The following CD36 variants were observed in gnomAD, a reference collection of about 807,000 sequenced individuals.
CD36 encodes platelet glycoprotein 4.
Under a neutral mutation model 55.2 loss-of-function variants are expected in CD36, and 119 were observed. The ratio of observed to expected loss-of-function variants is 2.15; its 90% CI spans 1.86 to 2.51. CD36 has a LOEUF of 2.51. CD36 is among the 30% of genes most tolerant of loss of function. The pLI, the probability that CD36 is intolerant of heterozygous loss-of-function variation, is 0.00. For synonymous variants in CD36, 186 were observed against 193.6 expected, an observed-to-expected ratio of 0.96 and a Z score of 0.33; for missense variants, 819 against 555.5, an observed-to-expected ratio of 1.47 and a Z score of -4.77.
chr7:80,658,858 C>T (rs1460474800), intron 4 of CD36, among the ~76,000 whole-genome samples: 1 of 152,096 alleles, frequency 6.6e-6, no homozygotes, highest in Non-Finnish European at 1.5e-5. Flanking sequence ...AAATAGTTCT[C>T]CTCTGGTAGT....
At position 80,663,047 on chromosome 7, in the gene CD36, A is replaced by T. The variant is rs534737948; in HGVS notation, c.487A>T (p.Asn163Tyr). 3.1e-6 allele frequency: 5 copies of T among 1,613,374 alleles called. No individual in the cohort carries two copies. The highest frequency in any genetic ancestry group is 4.2e-6 in the Non-Finnish European group (5 of 1,179,438). The change falls in exon 6 of 15, where the codon AAC becomes TAC. Residue 163 changes from asparagine to tyrosine, a missense_variant. Asn to Tyr is a moderately radical substitution (Grantham distance 143). Coordinates refer to ENST00000447544, the MANE Select transcript of CD36 (RefSeq NM_001001548.3). ...FVQMILNSLI[N>Y]KSKSSMFQVR... is the part of the protein sequence containing the mutation. ...TCAAATGATCCTCAATTCACTTATTAACAAGTCAAAATCTTCTATGTTCCA... is the reference window on the plus strand; with the variant it reads ...TCAAATGATCCTCAATTCACTTATTTACAAGTCAAAATCTTCTATGTTCCA...
intron 1 of CD36, among the ~76,000 whole-genome samples, chr7:80,628,382 T>C (rs1415572991): frequency 6.6e-6 from 1 of 152,060 alleles, no homozygotes; most frequent in Non-Finnish European, 1.5e-5. Context: ...TTTGGAATCC[T>C]TTCTATAAGT....
intron 12 of CD36, chr7:80,673,108 ATTCATAT>A (rs1797878991): frequency 1.9e-6 from 1 of 523,510 alleles, no homozygotes; most frequent in African/African-American, 2.0e-5. Context: ...AATTTTTGGA[ATTCATAT>A]TTCAGTTCCC....
Position 80,624,854 on chromosome 7 carries a change from T to A in CD36, c.-183-21234T>A, listed in dbSNP as rs1039729243. The A allele has an allele frequency of 2.0e-5, 3 of 152,238 alleles. No homozygotes were observed. The East Asian group carries it at 5.8e-4, about 29-fold the overall frequency. 9.4% of individuals were successfully genotyped at this position (152,238 alleles called of 1,614,324 possible). A position where few individuals can be genotyped will look rare whatever the true frequency, so the allele number is the denominator to read the frequency against. On this transcript the variant is annotated intron_variant, in intron 1 of 13. Transcript: ENST00000309881. ...AAAAATTTAGATTCTCTTATATTAATATTGTAAGACAGAGTGGTTGACTTC... is the reference window on the plus strand; with the variant it reads ...AAAAATTTAGATTCTCTTATATTAAAATTGTAAGACAGAGTGGTTGACTTC...
At chr7:80,667,237 G>A (rs189557598) in intron 8 of CD36, among the ~76,000 whole-genome samples, 4 of 152,080 alleles carry the variant, frequency 2.6e-5, no homozygotes, top group South Asian at 4.2e-4. Context: ...AGACCAGCCT[G>A]GGCAACATAG....
At chr7:80,604,585 TA>T (rs1311665582) in intron 1 of CD36, among the ~76,000 whole-genome samples, 129 of 151,550 alleles carry the variant, frequency 8.5e-4, no homozygotes, top group African/African-American at 3.0e-3. Context: ...ACACAAACAC[TA>T]TAGTACAAAG....
At chr7:80,612,544 G>A (rs1792930795) in intron 1 of CD36, among the ~76,000 whole-genome samples, 1 of 152,084 alleles carries the variant, frequency 6.6e-6, no homozygotes, top group South Asian at 2.1e-4. Context: ...CTGCAGTTGG[G>A]AATTATCTTA....
intron 10 of CD36, 78 bp downstream of exon 10, chr7:80,671,242 T>C: frequency 1.1e-6 from 1 of 914,494 alleles, no homozygotes; most frequent in Non-Finnish European, 1.7e-6. Context: ...ACCATAATCC[T>C]TTAGCAACCA....
intron 1 of CD36, among the ~76,000 whole-genome samples, chr7:80,626,694 C>A (rs1196089723): frequency 6.6e-6 from 1 of 151,994 alleles, no homozygotes; most frequent in Non-Finnish European, 1.5e-5. Context: ...ACCATGTAAT[C>A]TGATACACAA....
chr7:80,611,421 C>A (rs1792871820), intron 1 of CD36, among the ~76,000 whole-genome samples: 1 of 152,256 alleles, frequency 6.6e-6, no homozygotes, highest in Non-Finnish European at 1.5e-5. Context: ...TCTCTTTAGT[C>A]ATCTTGAAAA....
chr7:80,625,014 G>A (rs1793664434), intron 1 of CD36: 1 of 152,002 alleles, frequency 6.6e-6, no homozygotes, highest in Non-Finnish European at 1.5e-5. Context: ...TTTGAGAGGT[G>A]ACTTTGAACA....
At chr7:80,613,992 T>A (rs2115809430) in intron 1 of CD36, among the ~76,000 whole-genome samples, 1 of 152,314 alleles carries the variant, frequency 6.6e-6, no homozygotes, top group Non-Finnish European at 1.5e-5. Context: ...TTATTATTTT[T>A]CTGAAAGTCA....
rs55649257 is a variant in CD36, at chr7:80,669,955, G to T, written c.751G>T (p.Ala251Ser). The T allele has an allele frequency of 4.3e-5, 70 of 1,610,372 alleles. No homozygotes were observed. The highest frequency in any genetic ancestry group is 4.3e-5 in the Non-Finnish European group (51 of 1,176,890). The stretch of plus-strand genomic sequence containing the variant: ...TTTGCCACTCGATTTTTAAACAGAT[G>T]CAGCCTCATTTCCACCTTTTGTTGA... ...SHCDMINGTD[A>S]ASFPPFVEKS... is the part of the protein sequence containing the mutation. The change falls in exon 9 of 15, where the codon GCA becomes TCA. Residue 251 changes from alanine to serine, a missense_variant and splice_region_variant. Coordinates refer to ENST00000447544, the MANE Select transcript of CD36 (RefSeq NM_001001548.3).
At chr7:80,673,703 A>C (rs1337186344) in intron 13 of CD36, 60 of 558,882 alleles carry the variant, frequency 1.1e-4, no homozygotes, top group Non-Finnish European at 6.4e-6. Flanking sequence ...ATAGCTATAA[A>C]AATAGGAAAA....
At chr7:80,610,644 G>A (rs1358248110) in intron 1 of CD36, among the ~76,000 whole-genome samples, 1 of 151,828 alleles carries the variant, frequency 6.6e-6, no homozygotes, top group East Asian at 1.9e-4. Context: ...GCGTGATCTC[G>A]GCTCACTGCA....
At chr7:80,657,404 T>C (rs1213068700) in intron 4 of CD36, among the ~76,000 whole-genome samples, 1 of 152,224 alleles carries the variant, frequency 6.6e-6, no homozygotes, top group Non-Finnish European at 1.5e-5. Flanking sequence ...TTCACTCTTA[T>C]ATTTCCTCTA....
At chr7:80,668,794 C>T (rs939627236) in intron 8 of CD36, among the ~76,000 whole-genome samples, 1 of 152,060 alleles carries the variant, frequency 6.6e-6, no homozygotes, top group Non-Finnish European at 1.5e-5. Flanking sequence ...ACACACTTGC[C>T]AGAGAAAGAA....
At chr7:80,603,239 A>G (rs143411315) in intron 1 of CD36, among the ~76,000 whole-genome samples, 63 of 152,322 alleles carry the variant, frequency 4.1e-4, no homozygotes, top group African/African-American at 1.4e-3. Flanking sequence ...TGATACAAAA[A>G]AAGAAAAGCA....
In CD36 at chr7:80,671,999, C is replaced by T. The variant is rs376311045; in HGVS notation, c.1084C>T (p.Pro362Ser). The part of the protein sequence containing the change: ...DVSEPIDGLN[P>S]NEEEHRTYLD... ...TTCAGAACCTATTGATGGATTAAACCCAAATGAAGAAGAACATAGGACATA... is the reference window on the plus strand; with the variant it reads ...TTCAGAACCTATTGATGGATTAAACTCAAATGAAGAAGAACATAGGACATA... Residue 362 changes from proline to serine, a missense_variant, in exon 11 of 15, where the codon CCA (proline) becomes TCA (serine). Coordinates refer to ENST00000447544, the MANE Select transcript of CD36 (RefSeq NM_001001548.3). 2 of 1,607,924 alleles carry T rather than the reference C, an allele frequency of 1.2e-6. No homozygotes were observed. Among genetic ancestry groups the T allele is most frequent in the Admixed American group, 3.3e-5 (2 of 59,890 alleles).
Sources: gnomAD v4.1 joint callset for allele counts (sites outside exome capture counted in the v4.1 genomes callset) on GRCh38, gnomAD v4.1.1 for gene constraint, MANE v1.5 for transcripts, NCBI Gene and HGNC (gene_info 2026-07-23, HGNC 2026-07-21) for gene names.